Variants in ADGRL3 observed in about 807,000 individuals in gnomAD.
ADGRL3 encodes adhesion G protein-coupled receptor L3.
Under a neutral mutation model 153.5 loss-of-function variants are expected in ADGRL3, and 62 were observed. The observed-to-expected ratio is 0.40, with a 90% CI of 0.33 to 0.50. The LOEUF (loss-of-function observed/expected upper bound fraction) is 0.50. ADGRL3 is among the 20% of genes least tolerant of loss of function. The pLI is 0.47. For synonymous variants in ADGRL3, 710 were observed against 672.5 expected (o/e 1.06, Z -0.86); for missense variants, 1,641 against 1,859.4 (o/e 0.88, Z 2.16).
chr4:61,585,069 C>A (rs1195261042), intron 4 of ADGRL3, among the ~76,000 whole-genome samples: 1 of 151,852 alleles, frequency 6.6e-6, no homozygotes, highest in Non-Finnish European at 1.5e-5. Context: ...ACATTATAAC[C>A]AACCTTTAAT....
At chr4:61,214,564 T>C (rs1741734208) in intron 1 of ADGRL3, among the ~76,000 whole-genome samples, 1 of 152,148 alleles carries the variant, frequency 6.6e-6, no homozygotes, top group Non-Finnish European at 1.5e-5. Flanking sequence ...AAACAGAACA[T>C]TTTGGCTTAT....
At chr4:61,717,287 T>C (rs1462027991) in intron 6 of ADGRL3, among the ~76,000 whole-genome samples, 2 of 151,550 alleles carry the variant, frequency 1.3e-5, no homozygotes, top group African/African-American at 4.8e-5. Context: ...TAAAACATCA[T>C]GCATTTGAAT....
At chr4:62,058,053 C>T (rs1441707521) in intron 25 of ADGRL3, among the ~76,000 whole-genome samples, 2 of 152,110 alleles carry the variant, frequency 1.3e-5, no homozygotes, top group African/African-American at 4.8e-5. Flanking sequence ...TTGTTTCTGA[C>T]AGCAAATAAG....
intron 5 of ADGRL3, among the ~76,000 whole-genome samples, chr4:61,602,308 C>T (rs2099015444): frequency 6.6e-6 from 1 of 152,108 alleles, no homozygotes; most frequent in Non-Finnish European, 1.5e-5. Flanking sequence ...GACATCATAT[C>T]CCTAAAGTAA....
At chr4:61,576,151 C>A (rs1054209441) in intron 4 of ADGRL3, among the ~76,000 whole-genome samples, 1 of 152,076 alleles carries the variant, frequency 6.6e-6, no homozygotes, top group East Asian at 1.9e-4. Context: ...GTTGTTGTTA[C>A]TCCTCTTAGA....
At chr4:61,254,531 A>G (rs1032135222) in intron 1 of ADGRL3, among the ~76,000 whole-genome samples, 1 of 152,188 alleles carries the variant, frequency 6.6e-6, no homozygotes, top group Non-Finnish European at 1.5e-5. Flanking sequence ...AAAACCAGGC[A>G]TACTCTTCAA....
intron 1 of ADGRL3, among the ~76,000 whole-genome samples, chr4:61,205,513 C>T (rs1035087799): frequency 6.6e-6 from 1 of 152,162 alleles, no homozygotes; most frequent in Non-Finnish European, 1.5e-5. Flanking sequence ...CATTTGCTCA[C>T]TTTGGGAGGA....
intron 8 of ADGRL3, among the ~76,000 whole-genome samples, chr4:61,744,030 G>C (rs1026793838): frequency 1.3e-5 from 2 of 152,186 alleles, no homozygotes; most frequent in African/African-American, 4.8e-5. Context: ...TTTTCCGATG[G>C]GCTTAAAAAA....
chr4:61,236,112 C>T (rs975410618), intron 1 of ADGRL3, among the ~76,000 whole-genome samples: 1 of 145,304 alleles, frequency 6.9e-6, no homozygotes, highest in Non-Finnish European at 1.5e-5. Context: ...TGGGTCCAAG[C>T]GATTCTCCTG....
At chr4:61,353,600 ATTTTTT>A (rs34199193) in intron 1 of ADGRL3, among the ~76,000 whole-genome samples, 7 of 118,840 alleles carry the variant, frequency 5.9e-5, no homozygotes, top group Admixed American at 1.0e-4. Context: ...TTTTCTTTCA[ATTTTTT>A]TTTTTTTTTT....
At chr4:61,915,712 G>A (rs1279732506) in intron 13 of ADGRL3, among the ~76,000 whole-genome samples, 3 of 152,116 alleles carry the variant, frequency 2.0e-5, no homozygotes, top group Admixed American at 1.3e-4. Flanking sequence ...TCCTCTTAAT[G>A]TAGATCATTA....
At position 61,925,379 on chromosome 4, in the gene ADGRL3, C is replaced by T. The variant is rs1176071496; in HGVS notation, c.2113-9461C>T. Among the ~76,000 whole-genome samples, 3 of 152,260 alleles carry T rather than the reference C, an allele frequency of 2.0e-5. No homozygotes were observed. In the East Asian group the frequency reaches 5.8e-4, roughly 29 times the overall value. On this transcript the variant is annotated intron_variant, in intron 13 of 26. Coordinates refer to ENST00000683033, the MANE Select transcript of ADGRL3 (RefSeq NM_001387552.1). ...CTCAGTTTTTCTGGGTAATTTCAGA[C>T]ATACCAATGGCTTTAATAAGCCTAC...
At chr4:61,489,421 G>A (rs977867932) in intron 2 of ADGRL3, among the ~76,000 whole-genome samples, 1 of 151,898 alleles carries the variant, frequency 6.6e-6, no homozygotes, top group African/African-American at 2.4e-5. Context: ...TCTAGGTCAA[G>A]GTAAATACAT....
intron 23 of ADGRL3, among the ~76,000 whole-genome samples, chr4:62,032,433 G>C (rs1722611843): frequency 6.6e-6 from 1 of 151,004 alleles, no homozygotes; most frequent in Non-Finnish European, 1.5e-5. Flanking sequence ...AGATTGCCTG[G>C]GTTTGAATCT....
At chr4:61,446,380 G>A (rs1308710765) in intron 2 of ADGRL3, among the ~76,000 whole-genome samples, 2 of 152,138 alleles carry the variant, frequency 1.3e-5, no homozygotes, top group African/African-American at 2.4e-5. Flanking sequence ...TTAATCTGAT[G>A]AACTAATTTA....
chr4:61,929,611 G>A (rs1413507598), intron 13 of ADGRL3, among the ~76,000 whole-genome samples: 2 of 152,122 alleles, frequency 1.3e-5, no homozygotes, highest in Non-Finnish European at 2.9e-5. Context: ...CAAGAGTTAG[G>A]GAACACTGCT....
intron 2 of ADGRL3, among the ~76,000 whole-genome samples, chr4:61,480,349 A>T (rs2098118456): frequency 6.6e-6 from 1 of 152,198 alleles, no homozygotes; most frequent in South Asian, 2.1e-4. Context: ...ATATTGTTTC[A>T]AATAGCAATA....
chr4:61,664,586 G>A (rs1273811310), intron 5 of ADGRL3, among the ~76,000 whole-genome samples: 2 of 152,020 alleles, frequency 1.3e-5, no homozygotes, highest in East Asian at 1.9e-4. Flanking sequence ...TAAAGGAAGA[G>A]TTGCCTCATT....
intron 13 of ADGRL3, among the ~76,000 whole-genome samples, chr4:61,932,118 A>T (rs2098820085): frequency 6.6e-6 from 1 of 152,046 alleles, no homozygotes; most frequent in Admixed American, 6.6e-5. Flanking sequence ...TGTATATAAG[A>T]TCATGTCATC....
Sources: allele counts gnomAD v4.1 joint callset (sites outside exome capture counted in the v4.1 genomes callset), GRCh38; gene constraint gnomAD v4.1.1; transcripts MANE v1.5; gene names NCBI Gene and HGNC (gene_info 2026-07-23, HGNC 2026-07-21).